Variants in TTC27 observed in about 807,000 individuals in gnomAD.
The protein encoded by TTC27 is tetratricopeptide repeat domain 27, also known as tetratricopeptide repeat protein 27.
In TTC27, 79 loss-of-function variants were observed where a neutral mutation model predicts 115.9. The observed-to-expected ratio is 0.68, with a 90% CI of 0.57 to 0.82. TTC27 has a LOEUF of 0.82. Among genes scored for constraint, TTC27 ranks in the 40% least tolerant of loss-of-function variants. The pLI, the probability that TTC27 is intolerant of heterozygous loss-of-function variation, is 0.00. For missense variants in TTC27, 1,054 were observed against 993.1 expected, an observed-to-expected ratio of 1.06 and a Z score of -0.82; for synonymous variants, 401 against 356.0, an observed-to-expected ratio of 1.13 and a Z score of -1.42.
chr2:32,765,747 T>C (rs1032934523), intron 13 of TTC27, among the ~76,000 whole-genome samples: 1 of 152,240 alleles, frequency 6.6e-6, no homozygotes, highest in Non-Finnish European at 1.5e-5. Flanking sequence ...TGCTGCAGTT[T>C]CTCCATCACT....
intron 16 of TTC27, among the ~76,000 whole-genome samples, chr2:32,798,101 T>TAA (rs1324950541): frequency 3.7e-5 from 3 of 81,700 alleles, no homozygotes; most frequent in African/African-American, 2.2e-4. Context: ...AGAAAAAAAA[T>TAA]TAAAAAAAAA....
intron 10 of TTC27, among the ~76,000 whole-genome samples, chr2:32,706,042 G>A (rs1667354346): frequency 7.8e-6 from 1 of 129,016 alleles, no homozygotes; most frequent in South Asian, 2.7e-4. Context: ...TTTATGGGGT[G>A]TAATCTTACA....
In TTC27 at chr2:32,758,366, C is replaced by T. The variant is rs765995535; in HGVS notation, c.1527C>T (p.Leu509=). The change falls in exon 13 of 20, where the codon CTC becomes CTT. Residue 509 remains leucine (L), a synonymous_variant. Coordinates refer to ENST00000317907, the MANE Select transcript of TTC27 (RefSeq NM_017735.5). The part of the protein sequence containing the change: ...PSLYCLLGDV[L]GDHSCYDKAW... ...TATACTGCTTGCTTGGAGATGTCCT[C>T]GGAGACCATTCTTGCTATGACAAGG... is the stretch of plus-strand genomic sequence containing the variant. 5.6e-6 allele frequency: 9 copies of T among 1,614,074 alleles called. No individual in the cohort carries two copies. Among genetic ancestry groups the T allele is most frequent in the South Asian group, 4.4e-5 (4 of 91,088 alleles).
At chr2:32,687,670 G>T (rs1407438683) in intron 9 of TTC27, among the ~76,000 whole-genome samples, 1 of 152,096 alleles carries the variant, frequency 6.6e-6, no homozygotes, top group Non-Finnish European at 1.5e-5. Flanking sequence ...TTATTATAAA[G>T]TAAAATGGGC....
chr2:32,727,714 A>G lies in TTC27; in HGVS notation c.1234-6114A>G, dbSNP rs995019284. On this transcript the variant is annotated intron_variant, in intron 10 of 19. Transcript: ENST00000317907. ...TAAAGAGATTTGCAGAATTGTTAAG[A>G]TGATGCCACTCTTTTCAAGACTTTT... is the stretch of plus-strand genomic sequence containing the variant. Among the ~76,000 whole-genome samples the G allele has an allele frequency of 3.4e-4, 51 of 152,156 alleles. 1 individual carries two copies. The highest frequency in any genetic ancestry group is 1.2e-3 in the African/African-American group (49 of 41,430).
At chr2:32,675,038 A>G (rs1158720175) in intron 8 of TTC27, among the ~76,000 whole-genome samples, 2 of 152,234 alleles carry the variant, frequency 1.3e-5, no homozygotes, top group Non-Finnish European at 2.9e-5. Context: ...TGTTAATAAT[A>G]TGAATAGCAA....
intron 12 of TTC27, among the ~76,000 whole-genome samples, chr2:32,737,554 T>G (rs945944686): frequency 1.3e-5 from 2 of 152,126 alleles, no homozygotes; most frequent in South Asian, 4.1e-4. Flanking sequence ...GCAATAGTGG[T>G]TCAAGCATGT....
At chr2:32,661,534 T>A (rs959163685) in intron 5 of TTC27, among the ~76,000 whole-genome samples, 2 of 152,224 alleles carry the variant, frequency 1.3e-5, no homozygotes, top group South Asian at 4.1e-4. Flanking sequence ...TGTAGCAATT[T>A]TGAATGGGAG....
At chr2:32,698,460 T>TATTATTATTATTATTA (rs1553552677) in intron 9 of TTC27, among the ~76,000 whole-genome samples, 1 of 150,452 alleles carries the variant, frequency 6.6e-6, no homozygotes, top group Admixed American at 6.7e-5. Context: ...ATTATTATTT[T>TATTATTATTATTATTA]TTAGCATTTG....
At chr2:32,751,520 A>G (rs1669017999) in intron 12 of TTC27, among the ~76,000 whole-genome samples, 1 of 152,090 alleles carries the variant, frequency 6.6e-6, no homozygotes, top group Non-Finnish European at 1.5e-5. Context: ...AGAGAAGGAA[A>G]CTAGAGAAAT....
At chr2:32,688,782 G>A (rs944064535) in intron 9 of TTC27, among the ~76,000 whole-genome samples, 3 of 152,024 alleles carry the variant, frequency 2.0e-5, no homozygotes, top group Non-Finnish European at 4.4e-5. Flanking sequence ...CAATGCTGGT[G>A]GTAATGCAAA....
At chr2:32,699,480 G>A (rs1287122604) in intron 9 of TTC27, among the ~76,000 whole-genome samples, 1 of 152,198 alleles carries the variant, frequency 6.6e-6, no homozygotes, top group East Asian at 1.9e-4. Flanking sequence ...TGCTTAGGTA[G>A]GTTAGATTGG....
intron 9 of TTC27, among the ~76,000 whole-genome samples, chr2:32,680,283 CAT>C (rs755989908): frequency 6.6e-6 from 1 of 152,086 alleles, no homozygotes; most frequent in African/African-American, 2.4e-5. Context: ...ATATAAAAAA[CAT>C]ATTATGTACT....
intron 16 of TTC27, among the ~76,000 whole-genome samples, chr2:32,788,056 T>C (rs920450959): frequency 6.6e-6 from 1 of 152,196 alleles, no homozygotes; most frequent in Non-Finnish European, 1.5e-5. Context: ...CAGTATATTG[T>C]GACTGCTGAA....
intron 10 of TTC27, among the ~76,000 whole-genome samples, chr2:32,724,245 G>T (rs1668036440): frequency 1.3e-5 from 2 of 152,052 alleles, no homozygotes; most frequent in Admixed American, 1.3e-4. Flanking sequence ...TATCAAGTAG[G>T]GCTTGTGGAT....
At chr2:32,701,492 G>C (rs1667183245) in intron 9 of TTC27, among the ~76,000 whole-genome samples, 2 of 152,194 alleles carry the variant, frequency 1.3e-5, no homozygotes, top group Non-Finnish European at 2.9e-5. Flanking sequence ...AGAGGTGTGA[G>C]ATTGAGCAGG....
intron 12 of TTC27, among the ~76,000 whole-genome samples, chr2:32,744,626 A>C (rs1053595153): frequency 1.3e-5 from 2 of 152,214 alleles, no homozygotes; most frequent in African/African-American, 2.4e-5. Context: ...TTTAGGGCTT[A>C]CTGCTTCTTT....
At chr2:32,775,194 TTTTG>T (rs1051780544) in intron 13 of TTC27, among the ~76,000 whole-genome samples, 4 of 152,134 alleles carry the variant, frequency 2.6e-5, no homozygotes, top group Admixed American at 1.3e-4. Flanking sequence ...TTACATGTGT[TTTTG>T]TTTGTTTGTT....
intron 9 of TTC27, among the ~76,000 whole-genome samples, chr2:32,696,341 G>T (rs1013091249): frequency 2.0e-5 from 3 of 150,880 alleles, no homozygotes; most frequent in African/African-American, 7.3e-5. Context: ...CCAGACTGGA[G>T]TGCAGTGGTG....
Sources: allele counts gnomAD v4.1 joint callset (sites outside exome capture counted in the v4.1 genomes callset), GRCh38; gene constraint gnomAD v4.1.1; transcripts MANE v1.5; gene names NCBI Gene and HGNC (gene_info 2026-07-23, HGNC 2026-07-21).